Variants in APOBEC3F observed in about 807,000 individuals in gnomAD.
APOBEC3F encodes the protein apolipoprotein B mRNA editing enzyme catalytic subunit 3F, also known as DNA dC->dU-editing enzyme APOBEC-3F.
A neutral mutation model predicts 45.8 loss-of-function variants in APOBEC3F; 34 were observed. The ratio of observed to expected loss-of-function variants is 0.74; its 90% confidence interval spans 0.57 to 0.99. The LOEUF (loss-of-function observed/expected upper bound fraction) is 0.99, where lower values mean the gene tolerates loss of function less well. Among genes scored for constraint, APOBEC3F ranks in the 50% least tolerant of loss-of-function variants. The pLI, the probability that APOBEC3F is intolerant of heterozygous loss-of-function variation, is 0.00. For synonymous variants in APOBEC3F, 192 were observed against 174.4 expected (o/e 1.10, Z -0.80); for missense variants, 459 against 474.1 (o/e 0.97, Z 0.30).
chr22:39,052,403 G>A, intron 6 of APOBEC3F, 50 bp downstream of exon 6: 29 of 1,603,840 alleles, frequency 1.8e-5, no homozygotes, highest in Non-Finnish European at 2.5e-5. Context: ...GACAGCATGA[G>A]GGGCAGGTGT....
rs1448885222 is a variant in APOBEC3F at position 39,054,160 on chromosome 22, C to G, written c.*1465C>G. ...CCCGAGTAGCTGGGATTACAGGCGT[C>G]CACCACCAAACCAGGCTAATTTTTG... On this transcript the variant is annotated 3_prime_UTR_variant, in exon 7 of 7. Transcript: ENST00000308521. Among the ~76,000 whole-genome samples the G allele has an allele frequency of 3.3e-5, 5 of 151,054 alleles. No individual in the cohort carries two copies. Among genetic ancestry groups the G allele is most frequent in the African/African-American group, 1.2e-4 (5 of 41,064 alleles).
At chr22:39,050,813 A>C (rs11913379) in intron 5 of APOBEC3F, among the ~76,000 whole-genome samples, 1 of 148,778 alleles carries the variant, frequency 6.7e-6, no homozygotes, top group Admixed American at 6.8e-5. Context: ...GAAGGCAGAC[A>C]GGGGACAAGG....
intron 1 of APOBEC3F, among the ~76,000 whole-genome samples, chr22:39,042,307 T>A (rs1926947055): frequency 1.4e-5 from 2 of 142,710 alleles, no homozygotes. Context: ...TTATTCTCTC[T>A]CTCTTTTTTT....
Position 39,040,889 on chromosome 22 carries a change from C to T in APOBEC3F, c.-72C>T, listed in dbSNP as rs533876307. The T allele has an allele frequency of 1.9e-6, 3 of 1,552,198 alleles. No individual in the cohort carries two copies. The highest frequency in any genetic ancestry group is 1.2e-5 in the South Asian group (1 of 84,096). Reference sequence around the variant, plus strand: ...ACTTTAGGGAGGGCTGTCCTGAAACCTGGAGCCTGGAGCAGAAAGTGAAAC... The same window carrying T: ...ACTTTAGGGAGGGCTGTCCTGAAACTTGGAGCCTGGAGCAGAAAGTGAAAC... On this transcript the variant is annotated 5_prime_UTR_variant, in exon 1 of 7. Transcript: ENST00000308521.
At chr22:39,042,837 A>G in intron 1 of APOBEC3F, 100 bp from the exon 2 acceptor site, 1 of 1,517,110 alleles carries the variant, frequency 6.6e-7, no homozygotes, top group Non-Finnish European at 8.9e-7. Flanking sequence ...GGGGTTGGGG[A>G]GGCCCAGAGC....
At position 39,053,551 on chromosome 22, in the gene APOBEC3F, G is replaced by C. The variant is rs973046066; in HGVS notation, c.*856G>C. 4.6e-5 allele frequency: 7 copies of C among 152,100 alleles called. No homozygotes were observed. Among genetic ancestry groups the C allele is most frequent in the African/African-American group, 1.7e-4 (7 of 41,394 alleles). The allele number at this position is 152,100 out of a possible 1,614,324, so 9.4% of individuals were successfully genotyped here. A position where few individuals can be genotyped will look rare whatever the true frequency, so the allele number is the denominator to read the frequency against. ...GATTGCTTGAGCCGGGGAGGTGGAG[G>C]CTGCAGTGAACTGAGATCACGTCAC... On this transcript the variant is annotated 3_prime_UTR_variant, in exon 7 of 7. Coordinates refer to ENST00000308521, the MANE Select transcript of APOBEC3F (RefSeq NM_145298.6).
intron 5 of APOBEC3F, among the ~76,000 whole-genome samples, chr22:39,050,460 G>T (rs1302174743): frequency 6.8e-6 from 1 of 147,800 alleles, no homozygotes; most frequent in Non-Finnish European, 1.5e-5. Flanking sequence ...TGCTGGGCAG[G>T]CCTGGCCTAC....
intron 4 of APOBEC3F, among the ~76,000 whole-genome samples, chr22:39,048,113 TATG>T (rs1927308703): frequency 6.6e-6 from 1 of 151,976 alleles, no homozygotes; most frequent in South Asian, 2.1e-4. Context: ...TAGGAAAAAA[TATG>T]ATGATCAGGA....
intron 4 of APOBEC3F, among the ~76,000 whole-genome samples, chr22:39,046,483 C>A (rs1410057560): frequency 6.6e-6 from 1 of 152,132 alleles, no homozygotes; most frequent in Non-Finnish European, 1.5e-5. Context: ...GGGCCCCACC[C>A]CATGGCTTCC....
chr22:39,044,179 C>G (rs777133595), intron 2 of APOBEC3F: 1 of 1,606,070 alleles, frequency 6.2e-7, no homozygotes. Context: ...CCAGTGGCCT[C>G]CCCAGCTGAC....
chr22:39,043,916 T>C (rs914016737), intron 2 of APOBEC3F, among the ~76,000 whole-genome samples: 4 of 151,928 alleles, frequency 2.6e-5, no homozygotes, highest in African/African-American at 9.7e-5. Context: ...TCCCAGCTAC[T>C]TGGGAGGCTG....
rs1046366737 is a variant in APOBEC3F at position 39,054,376 on chromosome 22, C to G, written c.*1681C>G. Among the ~76,000 whole-genome samples, 2 of 152,174 alleles carry G rather than the reference C, an allele frequency of 1.3e-5. No homozygotes were observed. The highest frequency in any genetic ancestry group is 2.9e-5 in the Non-Finnish European group (2 of 68,034). On this transcript the variant is annotated 3_prime_UTR_variant, in exon 7 of 7. Transcript: ENST00000308521. Reference sequence around the variant, plus strand: ...CCTCCCAAGTAGCTGGGATTACATGCGCGTGCCACCACGCCTAGCTAATTT... The same window carrying G: ...CCTCCCAAGTAGCTGGGATTACATGGGCGTGCCACCACGCCTAGCTAATTT...
In APOBEC3F at chr22:39,044,519, G is replaced by T. The variant is rs562984542; in HGVS notation, c.172-422G>T. 183 of 692,936 alleles carry T rather than the reference G, an allele frequency of 2.6e-4. 1 individual carries two copies. The African/African-American group carries it at 2.7e-3, about 10-fold the overall frequency. The allele number at this position is 692,936 out of a possible 1,614,324, so 42.9% of individuals were successfully genotyped here. On this transcript the variant is annotated intron_variant, in intron 2 of 6. Transcript: ENST00000308521. ...GTGGGGGTAAAGGTTGTTGCCAGAAGTTCAGGGGATGCTCCAGACAGAGTG... is the reference window on the plus strand; with the variant it reads ...GTGGGGGTAAAGGTTGTTGCCAGAATTTCAGGGGATGCTCCAGACAGAGTG...
intron 5 of APOBEC3F, among the ~76,000 whole-genome samples, chr22:39,050,007 C>T (rs981175368): frequency 2.0e-5 from 3 of 151,190 alleles, no homozygotes; most frequent in African/African-American, 7.3e-5. Flanking sequence ...CCAACTTCCT[C>T]CCACATTTTT....
chr22:39,047,279 C>A (rs1162474160), intron 4 of APOBEC3F, among the ~76,000 whole-genome samples: 1 of 152,122 alleles, frequency 6.6e-6, no homozygotes, highest in Non-Finnish European at 1.5e-5. Context: ...GGGGGGCGTC[C>A]CTGGGATGAT....
At chr22:39,041,345 T>G (rs531999591) in intron 1 of APOBEC3F, among the ~76,000 whole-genome samples, 1 of 152,316 alleles carries the variant, frequency 6.6e-6, no homozygotes, top group Admixed American at 6.5e-5. Context: ...ATTAGAGCAA[T>G]GTGGAATTTT....
chr22:39,045,120 C>T lies in APOBEC3F; in HGVS notation c.351C>T (p.Ile117=), dbSNP rs1601495921. The change falls in exon 3 of 7, where the codon ATC becomes ATT. Residue 117 remains isoleucine, a synonymous_variant. Coordinates refer to ENST00000308521, the MANE Select transcript of APOBEC3F (RefSeq NM_145298.6). The part of the protein sequence containing the change: ...LAEHPNVTLT[I]SAARLYYYWE... ...AGCACCCCAATGTCACCCTGACCAT[C>T]TCCGCCGCCCGCCTCTACTACTACT... 4.3e-6 allele frequency: 7 copies of T among 1,614,070 alleles called. No homozygotes were observed. The African/African-American group carries it at 5.3e-5, about 12-fold the overall frequency.
At chr22:39,041,953 A>G (rs180966057) in intron 1 of APOBEC3F, among the ~76,000 whole-genome samples, 44 of 152,348 alleles carry the variant, frequency 2.9e-4, no homozygotes, top group African/African-American at 1.0e-3. Context: ...AAATTTAGTA[A>G]GAAGAGAGTC....
At chr22:39,046,831 T>G (rs183241256) in intron 4 of APOBEC3F, among the ~76,000 whole-genome samples, 9 of 151,916 alleles carry the variant, frequency 5.9e-5, no homozygotes, top group Admixed American at 5.9e-4. Context: ...GGCCAGGTGT[T>G]GAGTAAGATT....
Sources: allele counts gnomAD v4.1 joint callset (sites outside exome capture counted in the v4.1 genomes callset), GRCh38; gene constraint gnomAD v4.1.1; transcripts MANE v1.5; gene names NCBI Gene and HGNC (gene_info 2026-07-23, HGNC 2026-07-21).